WRAP53: variants seen among roughly 807,000 people sequenced by gnomAD.
WRAP53 encodes the protein telomerase Cajal body protein 1.
In WRAP53, 28 loss-of-function variants were observed where a neutral mutation model predicts 56.6. The observed-to-expected ratio is 0.50, with a 90% confidence interval of 0.37 to 0.68. The LOEUF (loss-of-function observed/expected upper bound fraction) is 0.68, where lower values mean the gene tolerates loss of function less well. Ranked by LOEUF, WRAP53 falls within the 30% of genes least tolerant of loss-of-function variation. The probability of loss-of-function intolerance (pLI) is 0.00; values close to 1 mark genes in which losing one functional copy is unlikely to be tolerated. For synonymous variants in WRAP53, 283 were observed against 283.4 expected, an observed-to-expected ratio of 1.00 and a Z score of 0.01; for missense variants, 671 against 715.5, an observed-to-expected ratio of 0.94 and a Z score of 0.71.
In WRAP53 at chr17:7,700,099, A is replaced by C. The variant is rs191748677; in HGVS notation, c.643-642A>C. ...ACTGTCTCTCTGTCACCTAGGGTGG[A>C]GTGCAGTGGTGCGATCTCAGCTCAC... On this transcript the variant is annotated intron_variant, in intron 4 of 10. Transcript: ENST00000396463. Among the ~76,000 whole-genome samples, 303 of 150,200 alleles carry C rather than the reference A, an allele frequency of 2.0e-3. 1 individual carries two copies. Among genetic ancestry groups the C allele is most frequent in the African/African-American group, 7.0e-3 (287 of 40,766 alleles).
At chr17:7,689,793 C>T in intron 4 of WRAP53, 92 bp downstream of exon 4, 2 of 1,044,668 alleles carry the variant, frequency 1.9e-6, no homozygotes, top group Non-Finnish European at 2.9e-6. Flanking sequence ...GTTTCCTGTT[C>T]ACAAACGGGA....
Position 7,703,481 on chromosome 17 carries a change from A to T in WRAP53, c.1642A>T (p.Ile548Leu). The stretch of plus-strand genomic sequence containing the variant: ...AACGGAGGGAGGTGTGGGTGAGCTG[A>T]TATAAAAAGGTTTTTATGATACTAG... Reference protein sequence around the residue: ...GGTEGGVGELI With the variant: ...GGTEGGVGELL Residue 548 changes from isoleucine to leucine, a missense_variant, in exon 11 of 11, where the codon ATA becomes TTA. Transcript: ENST00000396463. 6.2e-7 allele frequency: 1 copy of T among 1,610,200 alleles called. No homozygotes were observed. Among genetic ancestry groups the T allele is most frequent in the Non-Finnish European group, 8.5e-7 (1 of 1,179,002 alleles).
upstream of WRAP53, chr17:7,686,398 C>A (rs1189120774): frequency 6.6e-6 from 1 of 152,220 alleles, no homozygotes; most frequent in Non-Finnish European, 1.5e-5. Context: ...CTGTCTCACG[C>A]CATGGTAGCG....
intron 4 of WRAP53, among the ~76,000 whole-genome samples, chr17:7,689,950 C>A (rs917765098): frequency 6.6e-6 from 1 of 152,068 alleles, no homozygotes; most frequent in Non-Finnish European, 1.5e-5. Flanking sequence ...ATATATATTT[C>A]TATTTCTTAT....
intron 4 of WRAP53, among the ~76,000 whole-genome samples, chr17:7,691,988 C>T (rs944655302): frequency 6.6e-6 from 1 of 151,958 alleles, no homozygotes; most frequent in Non-Finnish European, 1.5e-5. Flanking sequence ...AGGCATGTGC[C>T]ACCACACCCG....
chr17:7,690,642 T>A (rs895442309), intron 4 of WRAP53, among the ~76,000 whole-genome samples: 4 of 152,234 alleles, frequency 2.6e-5, no homozygotes, highest in Non-Finnish European at 4.4e-5. Context: ...CCCTGCATGG[T>A]GGCTCACGCC....
At chr17:7,694,469 C>T (rs1049867496) in intron 4 of WRAP53, among the ~76,000 whole-genome samples, 101 of 152,192 alleles carry the variant, frequency 6.6e-4, no homozygotes, top group Non-Finnish European at 6.0e-4. Context: ...TCTCAAACTC[C>T]CGACCTCAAG....
At position 7,697,063 on chromosome 17, in the gene WRAP53, GT is replaced by G. The variant is rs562138271; in HGVS notation, c.643-3677del. Among the ~76,000 whole-genome samples the G allele has an allele frequency of 2.7e-3, 418 of 152,298 alleles. 1 individual carries two copies. The highest frequency in any genetic ancestry group is 0.012 in the South Asian group (59 of 4,824). Reference sequence around the variant, plus strand: ...CGGCTGGGCATGGTGGCTCATGCCTGTAATCCCAGCACTTTGGGAAGCCGAG... The same window carrying G: ...CGGCTGGGCATGGTGGCTCATGCCTGAATCCCAGCACTTTGGGAAGCCGAG... On this transcript the variant is annotated intron_variant, in intron 4 of 10. Coordinates refer to ENST00000396463, the MANE Select transcript of WRAP53 (RefSeq NM_001143992.2).
upstream of WRAP53, chr17:7,686,544 C>G (rs772376138): frequency 6.6e-6 from 1 of 152,252 alleles, no homozygotes; most frequent in Non-Finnish European, 1.5e-5. Flanking sequence ...GAAATGCAGG[C>G]GGAGAATAGC....
intron 4 of WRAP53, among the ~76,000 whole-genome samples, chr17:7,692,620 C>CAAA (rs1178226250): frequency 6.3e-4 from 37 of 58,788 alleles, no homozygotes; most frequent in Middle Eastern, 8.3e-3. Context: ...GACTCCGTCT[C>CAAA]AAAAAAAAAA....
chr17:7,688,501 C>A lies in WRAP53; in HGVS notation c.-62C>A. The A allele has an allele frequency of 1.2e-6, 1 of 807,998 alleles. No homozygotes were observed. The highest frequency in any genetic ancestry group is 1.9e-6 in the Non-Finnish European group (1 of 518,494). The allele number at this position is 807,998 out of a possible 1,614,324, so 50.1% of individuals were successfully genotyped here. ...CAGTGCTTTCAAAAGAATTGGCGTC[C>A]GCTGTTCGCCTCTCCTCCCGGGAGT... On this transcript the variant is annotated 5_prime_UTR_variant, in exon 1 of 11. Coordinates refer to ENST00000396463, the MANE Select transcript of WRAP53 (RefSeq NM_001143992.2).
At chr17:7,691,804 C>T (rs1038788478) in intron 4 of WRAP53, among the ~76,000 whole-genome samples, 1 of 151,642 alleles carries the variant, frequency 6.6e-6, no homozygotes, top group Non-Finnish European at 1.5e-5. Flanking sequence ...GGATTACAGG[C>T]GTGAGCCACC....
chr17:7,699,525 TA>T (rs1597418037), intron 4 of WRAP53, among the ~76,000 whole-genome samples: 1 of 58,582 alleles, frequency 1.7e-5, no homozygotes, highest in Non-Finnish European at 3.1e-5. Flanking sequence ...TATATATTTA[TA>T]TATATATATA....
At chr17:7,686,269 C>T (rs554427817), upstream of WRAP53, 1 of 152,264 alleles carries the variant, frequency 6.6e-6, no homozygotes, top group South Asian at 2.1e-4. Context: ...CATCATTGCA[C>T]TCTTTCAAAA....
intron 4 of WRAP53, among the ~76,000 whole-genome samples, chr17:7,698,224 GA>G (rs1355652226): frequency 6.6e-6 from 1 of 152,146 alleles, no homozygotes; most frequent in Non-Finnish European, 1.5e-5. Context: ...AGAAACTGTA[GA>G]GAAACCCTTC....
At chr17:7,690,022 C>G (rs1038736794) in intron 4 of WRAP53, among the ~76,000 whole-genome samples, 1 of 150,514 alleles carries the variant, frequency 6.6e-6, no homozygotes, top group African/African-American at 2.4e-5. Flanking sequence ...GATCTCGGCT[C>G]ACTGCAACCT....
chr17:7,689,832 A>C (rs2074085339), intron 4 of WRAP53, 131 bp downstream of exon 4: 1 of 727,114 alleles, frequency 1.4e-6, no homozygotes, highest in Admixed American at 2.2e-5. Context: ...TTCCACATGT[A>C]GCGTTTTCTG....
At chr17:7,689,742 A>T in intron 4 of WRAP53, 41 bp downstream of exon 4, 2 of 1,495,388 alleles carry the variant, frequency 1.3e-6, no homozygotes, top group Non-Finnish European at 1.9e-6. Flanking sequence ...AATGCTGCAC[A>T]TTTAAGTCCT....
At chr17:7,700,858 GC>G in intron 5 of WRAP53, 29 bp downstream of exon 5, 1 of 1,538,322 alleles carries the variant, frequency 6.5e-7, no homozygotes, top group Non-Finnish European at 9.0e-7. Context: ...CCTGCTCGCC[GC>G]CCCACCACCC....
Sources: allele counts gnomAD v4.1 joint callset (sites outside exome capture counted in the v4.1 genomes callset), GRCh38; gene constraint gnomAD v4.1.1; transcripts MANE v1.5; gene names NCBI Gene and HGNC (gene_info 2026-07-23, HGNC 2026-07-21).